IST1: variants seen among roughly 807,000 people sequenced by gnomAD.
The protein encoded by IST1 is IST1 homolog.
IST1 carries 23 observed loss-of-function variants against 37.0 expected under a neutral mutation model. That is an observed-to-expected ratio of 0.62 (90% CI 0.45 to 0.88). IST1 has a LOEUF of 0.88. Among genes scored for constraint, IST1 ranks in the 40% least tolerant of loss-of-function variants. The pLI is 0.00. For missense variants in IST1, 488 were observed against 445.4 expected, an observed-to-expected ratio of 1.10 and a Z score of -0.86; for synonymous variants, 180 against 161.7, an observed-to-expected ratio of 1.11 and a Z score of -0.86.
chr16:71,926,683 C>T (rs527572583), intron 9 of IST1, among the ~76,000 whole-genome samples: 124 of 152,242 alleles, frequency 8.1e-4, no homozygotes, highest in Middle Eastern at 6.8e-3. Context: ...GACAATTCCA[C>T]TCTCTGATCA....
chr16:71,911,189 G>A (rs1039918430), intron 1 of IST1, among the ~76,000 whole-genome samples: 1 of 151,586 alleles, frequency 6.6e-6, no homozygotes, highest in Non-Finnish European at 1.5e-5. Flanking sequence ...TGCAGTGAGC[G>A]GTGATTGCAC....
At chr16:71,921,819 G>A (rs1346496663) in intron 6 of IST1, 1 of 209,656 alleles carries the variant, frequency 4.8e-6, no homozygotes, top group African/African-American at 2.3e-5. Flanking sequence ...ACAGAAAGCT[G>A]AGGATACAGG....
In IST1 at chr16:71,927,704, T is replaced by G. The variant is rs774733518; in HGVS notation, c.992T>G (p.Val331Gly). 2 of 1,613,624 alleles carry G rather than the reference T, an allele frequency of 1.2e-6. No homozygotes were observed. The highest frequency in any genetic ancestry group is 2.7e-5 in the African/African-American group (2 of 74,914). Reference protein sequence around the residue: ...DNFVLPELPSVPDTLPTASAG... With the variant: ...DNFVLPELPSGPDTLPTASAG... ...TTTGTCCTACCAGAGTTGCCATCTG[T>G]GCCAGACACACTACCAACTGCATCT... is the stretch of plus-strand genomic sequence containing the variant. Residue 331 changes from valine (V) to glycine (G), a missense_variant, in exon 10 of 10, where the codon GTG becomes GGG. By Grantham distance (109) the Val-to-Gly change is moderately radical. Around this residue, in one of 2 missense-constraint regions of IST1, gnomAD observed 455 missense variants for 386.2 expected, o/e 1.18. Transcript: ENST00000378799.
At chr16:71,898,678 A>C (rs12923222) in intron 1 of IST1, among the ~76,000 whole-genome samples, 3 of 131,288 alleles carry the variant, frequency 2.3e-5, no homozygotes, top group Non-Finnish European at 4.9e-5. Context: ...AAAAAAAAAA[A>C]CAAAAAAGGA....
At chr16:71,897,172 CT>C (rs35671031) in intron 1 of IST1, among the ~76,000 whole-genome samples, 38,920 of 65,540 alleles carry the variant, frequency 0.59, 10,215 homozygotes, top group East Asian at 0.87. Context: ...CCACGCCTGG[CT>C]TTTTTTTTTT....
chr16:71,898,641 C>T (rs1466104607), intron 1 of IST1, among the ~76,000 whole-genome samples: 9 of 145,546 alleles, frequency 6.2e-5, no homozygotes, highest in African/African-American at 2.1e-4. Flanking sequence ...CCAGCTTGGG[C>T]CACAGAGTGA....
chr16:71,916,611 C>G lies in IST1; in HGVS notation c.238C>G (p.Leu80Val), dbSNP rs1454187886. ...CCTGGAGCTGTACTGTGACCTGCTG[C>G]TGGCTCGGTTTGGCCTTATCCAGTC... The part of the protein sequence containing the change: ...EILELYCDLL[L>V]ARFGLIQSMK... Residue 80 changes from leucine to valine, a missense_variant, in exon 3 of 10, where the codon CTG (leucine) becomes GTG (valine). Physicochemically the swap from Leu to Val is conservative, Grantham distance 32. Around this residue, in one of 2 missense-constraint regions of IST1, gnomAD observed 455 missense variants for 386.2 expected, o/e 1.18. Transcript: ENST00000378799. 4 of 1,613,920 alleles carry G rather than the reference C, an allele frequency of 2.5e-6. No homozygotes were observed. The highest frequency in any genetic ancestry group is 3.4e-6 in the Non-Finnish European group (4 of 1,179,900).
At chr16:71,913,999 G>A (rs1337921301) in intron 1 of IST1, among the ~76,000 whole-genome samples, 1 of 151,880 alleles carries the variant, frequency 6.6e-6, no homozygotes, top group East Asian at 1.9e-4. Context: ...GTAGAGATGG[G>A]GTTTCTCCGT....
intron 1 of IST1, among the ~76,000 whole-genome samples, chr16:71,896,987 G>A (rs376405268): frequency 7.4e-6 from 1 of 134,872 alleles, no homozygotes; most frequent in African/African-American, 2.8e-5. Flanking sequence ...AAAAAAAAAA[G>A]AAATTAAAAC....
intron 1 of IST1, among the ~76,000 whole-genome samples, chr16:71,906,318 G>C (rs1184671475): frequency 6.7e-6 from 1 of 149,550 alleles, no homozygotes. Flanking sequence ...GTTTTGTTTT[G>C]TTTTTTGAGA....
intron 1 of IST1, among the ~76,000 whole-genome samples, chr16:71,901,895 C>T (rs1273465310): frequency 6.6e-6 from 1 of 152,148 alleles, no homozygotes; most frequent in African/African-American, 2.4e-5. Flanking sequence ...AAACAGTTGT[C>T]TTGCAGTGAG....
chr16:71,927,940 G>C lies in IST1; in HGVS notation c.*127G>C. On this transcript the variant is annotated 3_prime_UTR_variant, in exon 10 of 10. Coordinates refer to ENST00000378799, the MANE Select transcript of IST1 (RefSeq NM_001270975.2). The stretch of plus-strand genomic sequence containing the variant: ...TCACTCAGCACAACACTCCCTCTGG[G>C]CTCTCTTCCTGCTCCTCCAGATTCT... The C allele has an allele frequency of 2.9e-6, 2 of 687,252 alleles. No individual in the cohort carries two copies. Among genetic ancestry groups the C allele is most frequent in the Non-Finnish European group, 5.1e-6 (2 of 394,300 alleles). The allele number at this position is 687,252 out of a possible 1,614,324, so 42.6% of individuals were successfully genotyped here. A position where few individuals can be genotyped will look rare whatever the true frequency, so the allele number is the denominator to read the frequency against.
chr16:71,921,792 C>T (rs187353883), intron 6 of IST1: 1 of 256,882 alleles, frequency 3.9e-6, no homozygotes, highest in Non-Finnish European at 7.7e-6. Context: ...GGGTACCCAC[C>T]ATGTGTCTGA....
In IST1 at chr16:71,923,307, C is replaced by T; in HGVS notation, c.779C>T (p.Pro260Leu). 1 of 1,610,386 alleles carries T rather than the reference C, an allele frequency of 6.2e-7. No individual in the cohort carries two copies. Residue 260 changes from proline (P) to leucine (L), a missense_variant, in exon 8 of 10, where the codon CCA becomes CTA. Coordinates refer to ENST00000378799, the MANE Select transcript of IST1 (RefSeq NM_001270975.2). Reference protein sequence around the residue: ...PKGPSDFNGLPMGTYQAFPNI... With the variant: ...PKGPSDFNGLLMGTYQAFPNI... ...TTACAGTCAGATTTCAATGGACTGC[C>T]AATGGGGACTTATCAGGCCTTTCCC...
chr16:71,902,631 T>C (rs1484908039), intron 1 of IST1, among the ~76,000 whole-genome samples: 1 of 152,222 alleles, frequency 6.6e-6, no homozygotes, highest in African/African-American at 2.4e-5. Context: ...GTGTCAAATT[T>C]AGTAAATTTG....
intron 1 of IST1, among the ~76,000 whole-genome samples, chr16:71,898,616 G>GC: frequency 6.7e-6 from 1 of 149,532 alleles, no homozygotes; most frequent in Non-Finnish European, 1.5e-5. Context: ...GGTGGAGGTT[G>GC]CAGTGAGCCA....
chr16:71,919,420 G>A (rs1400220116), intron 4 of IST1, among the ~76,000 whole-genome samples: 3 of 152,180 alleles, frequency 2.0e-5, no homozygotes, highest in Non-Finnish European at 2.9e-5. Flanking sequence ...GTCTTGATCT[G>A]TCACCCAGGC....
chr16:71,906,577 A>G (rs1009144437), intron 1 of IST1, among the ~76,000 whole-genome samples: 5 of 151,958 alleles, frequency 3.3e-5, no homozygotes, highest in Admixed American at 1.3e-4. Context: ...TGGCCTCCCA[A>G]AGTGCTGAGA....
At chr16:71,895,148 C>T, upstream of IST1, 1 of 268,556 alleles carries the variant, frequency 3.7e-6, no homozygotes, top group Non-Finnish European at 7.2e-6. Context: ...GGAGCAACTC[C>T]CGGCGTCAGA....
Sources: gnomAD v4.1 joint callset for allele counts (sites outside exome capture counted in the v4.1 genomes callset) on GRCh38, gnomAD v4.1.1 for gene constraint, gnomAD v4.1.1 regional missense constraint, MANE v1.5 for transcripts, NCBI Gene and HGNC (gene_info 2026-07-23, HGNC 2026-07-21) for gene names.